The following ENTPD1 variants were observed in gnomAD, a reference collection of about 807,000 sequenced individuals.
The protein encoded by ENTPD1 is ATP diphosphohydrolase.
ENTPD1 carries 33 observed loss-of-function variants against 57.0 expected under a neutral mutation model. The observed-to-expected ratio is 0.58, with a 90% confidence interval of 0.44 to 0.77. The LOEUF is 0.77. Ranked by LOEUF, ENTPD1 falls within the 30% of genes least tolerant of loss-of-function variation. The probability of loss-of-function intolerance (pLI) is 0.00; values close to 1 mark genes in which losing one functional copy is unlikely to be tolerated. For synonymous variants in ENTPD1, 202 were observed against 218.8 expected (o/e 0.92, Z 0.68); for missense variants, 501 against 603.4 (o/e 0.83, Z 1.78).
At chr10:95,849,958 C>A (rs1387353588) in intron 7 of ENTPD1, among the ~76,000 whole-genome samples, 1 of 152,214 alleles carries the variant, frequency 6.6e-6, no homozygotes, top group African/African-American at 2.4e-5. Flanking sequence ...ACCCTTGTGT[C>A]TTGAGTTTGT....
At position 95,864,844 on chromosome 10, in the gene ENTPD1, A is replaced by C. The variant is rs868345194; in HGVS notation, c.1309A>C (p.Ile437Leu). Residue 437 changes from isoleucine to leucine, a missense_variant, in exon 9 of 10, where the codon ATC becomes CTC. Coordinates refer to ENST00000371205, the MANE Select transcript of ENTPD1 (RefSeq NM_001776.6). The part of the protein sequence containing the change: ...YHFTADSWEH[I>L]HFIGKIQGSD... ...TTTCACAGCTGATTCCTGGGAGCAC[A>C]TCCATTTCATTGGCAAGGTAATTTG... The C allele has an allele frequency of 3.7e-6, 6 of 1,613,084 alleles. No homozygotes were observed. In the Middle Eastern group the frequency reaches 6.9e-4, roughly 186 times the overall value.
At chr10:95,763,858 A>G (rs2098077492) in intron 1 of ENTPD1, among the ~76,000 whole-genome samples, 1 of 152,228 alleles carries the variant, frequency 6.6e-6, no homozygotes, top group Non-Finnish European at 1.5e-5. Flanking sequence ...TAATCACCTT[A>G]CAGATGTTAA....
At chr10:95,839,600 G>A in intron 2 of ENTPD1, 91 bp from the exon 3 acceptor site, 1 of 1,326,784 alleles carries the variant, frequency 7.5e-7, no homozygotes, top group Non-Finnish European at 1.1e-6. Context: ...TTCTCCTCAT[G>A]TTTTTGAAAA....
At chr10:95,815,721 C>G (rs977135944) in intron 1 of ENTPD1, among the ~76,000 whole-genome samples, 36 of 152,134 alleles carry the variant, frequency 2.4e-4, no homozygotes, top group African/African-American at 8.4e-4. Flanking sequence ...AACCTCAATT[C>G]TTGCCTCATC....
intron 7 of ENTPD1, among the ~76,000 whole-genome samples, chr10:95,850,265 A>G (rs2098442634): frequency 6.6e-6 from 1 of 152,176 alleles, no homozygotes; most frequent in Non-Finnish European, 1.5e-5. Flanking sequence ...TTTCTCCTCT[A>G]GATACAGCCC....
chr10:95,703,822 G>C, the ENTPD1 span, among the ~76,000 whole-genome samples: 1 of 145,144 alleles, frequency 6.9e-6, no homozygotes, highest in South Asian at 2.2e-4. Context: ...TGGGCGCAGT[G>C]GCTCACACCT....
chr10:95,752,849 CAG>C (rs2139908223), upstream of ENTPD1, among the ~76,000 whole-genome samples: 1 of 152,270 alleles, frequency 6.6e-6, no homozygotes, highest in South Asian at 2.1e-4. Flanking sequence ...TCATTTTTAA[CAG>C]TATACTTAAG....
At chr10:95,696,468 C>T in the ENTPD1 span, among the ~76,000 whole-genome samples, 130 of 152,140 alleles carry the variant, frequency 8.5e-4, no homozygotes, top group African/African-American at 2.7e-3. Context: ...GTAGTAGAGA[C>T]GGAGTTTCAC....
chr10:95,817,709 C>A (rs901344962), intron 1 of ENTPD1, among the ~76,000 whole-genome samples: 1 of 152,182 alleles, frequency 6.6e-6, no homozygotes, highest in African/African-American at 2.4e-5. Flanking sequence ...TCAGGCCAGT[C>A]CTAATCACTG....
chr10:95,840,192 A>C (rs2098419617), intron 3 of ENTPD1, among the ~76,000 whole-genome samples: 1 of 152,198 alleles, frequency 6.6e-6, no homozygotes. Flanking sequence ...CTTGTTTGTT[A>C]CTCAAGCTAG....
chr10:95,711,443 A>G, upstream of ENTPD1, among the ~76,000 whole-genome samples: 1 of 152,184 alleles, frequency 6.6e-6, no homozygotes, highest in East Asian at 1.9e-4. Context: ...GGCTGTTCAT[A>G]CTTGGTTGAA....
chr10:95,849,919 G>A (rs970040986), intron 7 of ENTPD1, among the ~76,000 whole-genome samples: 3 of 152,212 alleles, frequency 2.0e-5, no homozygotes, highest in Admixed American at 6.5e-5. Context: ...CAGTCACTGC[G>A]AGGATGTAAA....
At chr10:95,784,624 G>A (rs370793185) in intron 1 of ENTPD1, among the ~76,000 whole-genome samples, 13 of 152,088 alleles carry the variant, frequency 8.5e-5, no homozygotes, top group African/African-American at 1.7e-4. Context: ...TGCTGTTGTC[G>A]CAGGAAACAT....
At chr10:95,820,636 C>T (rs769126719) in intron 1 of ENTPD1, among the ~76,000 whole-genome samples, 7 of 152,200 alleles carry the variant, frequency 4.6e-5, no homozygotes, top group East Asian at 1.9e-4. Flanking sequence ...TTCAAGGTCT[C>T]GGCTCAAATG....
intron 1 of ENTPD1, among the ~76,000 whole-genome samples, chr10:95,786,920 A>C (rs2098182202): frequency 6.6e-6 from 1 of 152,180 alleles, no homozygotes; most frequent in African/African-American, 2.4e-5. Flanking sequence ...TTTCTTATAC[A>C]TTATTCAATT....
intron 1 of ENTPD1, among the ~76,000 whole-genome samples, chr10:95,748,786 A>G (rs1416117787): frequency 2.6e-5 from 4 of 152,210 alleles, no homozygotes. Flanking sequence ...CTTTTAATTT[A>G]TAGGTAACTC....
At chr10:95,773,080 G>A (rs1214251111) in intron 1 of ENTPD1, among the ~76,000 whole-genome samples, 1 of 151,914 alleles carries the variant, frequency 6.6e-6, no homozygotes, top group East Asian at 1.9e-4. Flanking sequence ...GCAAAGTATA[G>A]AGAGGCCGGT....
At chr10:95,712,677 A>T (rs1475201968) in intron 1 of ENTPD1, among the ~76,000 whole-genome samples, 2 of 152,062 alleles carry the variant, frequency 1.3e-5, no homozygotes, top group Non-Finnish European at 2.9e-5. Flanking sequence ...CGGGTCTGTG[A>T]CTGGTGGTCC....
chr10:95,734,354 T>C (rs1304749620), intron 1 of ENTPD1, among the ~76,000 whole-genome samples: 1 of 152,200 alleles, frequency 6.6e-6, no homozygotes, highest in African/African-American at 2.4e-5. Flanking sequence ...GCAGAATTTT[T>C]TGGACACCTA....
Sources: gnomAD v4.1 joint callset for allele counts (sites outside exome capture counted in the v4.1 genomes callset) on GRCh38, gnomAD v4.1.1 for gene constraint, MANE v1.5 for transcripts, NCBI Gene and HGNC (gene_info 2026-07-23, HGNC 2026-07-21) for gene names.